Variants in LURAP1L observed in about 807,000 individuals in gnomAD.
LURAP1L encodes leucine rich adaptor protein 1-like.
A neutral mutation model predicts 13.8 loss-of-function variants in LURAP1L; 12 were observed. The ratio of observed to expected loss-of-function variants is 0.87; its 90% CI spans 0.56 to 1.41. The LOEUF (loss-of-function observed/expected upper bound fraction) is 1.41. Among genes scored for constraint, LURAP1L ranks in the 40% most tolerant of loss-of-function variants. The pLI is 0.00. For synonymous variants in LURAP1L, 139 were observed against 119.2 expected (o/e 1.17, Z -1.08); for missense variants, 375 against 292.9 (o/e 1.28, Z -2.04).
At chr9:12,784,381 G>C (rs1266541543) in intron 1 of LURAP1L, among the ~76,000 whole-genome samples, 1 of 152,166 alleles carries the variant, frequency 6.6e-6, no homozygotes, top group African/African-American at 2.4e-5. Flanking sequence ...TGAGTGTTCA[G>C]ATCTAAGTAT....
chr9:12,791,662 C>G (rs545437825), intron 1 of LURAP1L, among the ~76,000 whole-genome samples: 2 of 150,612 alleles, frequency 1.3e-5, no homozygotes, highest in South Asian at 2.1e-4. Context: ...CTCTCCTTCT[C>G]TCTCTCTCCT....
rs541232940 is a variant in LURAP1L, at chr9:12,805,041, A to G, written c.313-16345A>G. 2.1e-4 allele frequency among the ~76,000 whole-genome samples: 32 copies of G among 152,316 alleles called. No individual in the cohort carries two copies. The East Asian group carries it at 2.7e-3, about 13-fold the overall frequency. On this transcript the variant is annotated intron_variant, in intron 1 of 1. Transcript: ENST00000319264. Reference sequence around the variant, plus strand: ...AAAGAAATATAAATTAAAAAAATTAAGTTAAATGATGTTTATTTTTCGTAA... The same window carrying G: ...AAAGAAATATAAATTAAAAAAATTAGGTTAAATGATGTTTATTTTTCGTAA...
chr9:12,821,932 G>C lies in LURAP1L; in HGVS notation c.*172G>C. The stretch of plus-strand genomic sequence containing the variant: ...GCTCCTAATACTTCTCATCTGAGCT[G>C]ATTTATTTTTCTCTGTTACATCTCT... On this transcript the variant is annotated 3_prime_UTR_variant, in exon 2 of 2. Transcript: ENST00000319264. 1 of 644,226 alleles carries C rather than the reference G, an allele frequency of 1.6e-6. No homozygotes were observed. The highest frequency in any genetic ancestry group is 3.0e-5 in the South Asian group (1 of 33,060). The allele number at this position is 644,226 out of a possible 1,614,324, so 39.9% of individuals were successfully genotyped here.
rs549624221 is a variant in LURAP1L at position 12,821,459 on chromosome 9, A to C, written c.386A>C (p.Lys129Thr). ...ATCAATGAGAGCATCGAGTCCATCA[A>C]GTGGATGATCGAAGAAAAAGCCACC... The part of the protein sequence containing the change: ...LVINESIESI[K>T]WMIEEKATIT... The change falls in exon 2 of 2, where the codon AAG becomes ACG. Residue 129 changes from lysine to threonine, a missense_variant. By Grantham distance (78) the Lys-to-Thr change is moderately conservative. Coordinates refer to ENST00000319264, the MANE Select transcript of LURAP1L (RefSeq NM_203403.2). 6.2e-7 allele frequency: 1 copy of C among 1,614,106 alleles called. No individual in the cohort carries two copies. The highest frequency in any genetic ancestry group is 1.1e-5 in the South Asian group (1 of 91,082).
Position 12,775,629 on chromosome 9 carries a change from G to A in LURAP1L, c.-87G>A. On this transcript the variant is annotated 5_prime_UTR_variant, in exon 1 of 2. Coordinates refer to ENST00000319264, the MANE Select transcript of LURAP1L (RefSeq NM_203403.2). ...GATAGAGACCCTGGCCCCCGGAGAG[G>A]TCTGCTGATTTCGCAGCAGCCTTCG... 1 of 1,496,072 alleles carries A rather than the reference G, an allele frequency of 6.7e-7. No homozygotes were observed. The highest frequency in any genetic ancestry group is 8.9e-7 in the Non-Finnish European group (1 of 1,126,306). The allele number at this position is 1,496,072 out of a possible 1,614,324, so 92.7% of individuals were successfully genotyped here.
At chr9:12,804,274 G>C (rs756760245) in intron 1 of LURAP1L, among the ~76,000 whole-genome samples, 1 of 151,378 alleles carries the variant, frequency 6.6e-6, no homozygotes, top group African/African-American at 2.4e-5. Context: ...AGTCTATACC[G>C]TATTGGCCCC....
chr9:12,812,103 TC>T (rs1313450118), intron 1 of LURAP1L, among the ~76,000 whole-genome samples: 1 of 152,192 alleles, frequency 6.6e-6, no homozygotes, highest in African/African-American at 2.4e-5. Context: ...GAAGCCACAA[TC>T]TTTTTGTAAC....
chr9:12,822,828 A>G lies in LURAP1L; in HGVS notation c.*1068A>G, dbSNP rs181311342. Among the ~76,000 whole-genome samples, 94 of 152,290 alleles carry G rather than the reference A, an allele frequency of 6.2e-4. No individual in the cohort carries two copies. The highest frequency in any genetic ancestry group is 2.2e-3 in the African/African-American group (91 of 41,574). Reference sequence around the variant, plus strand: ...AATCCTCTGCATTTCTTTTATCTTGATAACTCCTAGTGAGGGAATCTAATT... The same window carrying G: ...AATCCTCTGCATTTCTTTTATCTTGGTAACTCCTAGTGAGGGAATCTAATT... On this transcript the variant is annotated 3_prime_UTR_variant, in exon 2 of 2. Coordinates refer to ENST00000319264, the MANE Select transcript of LURAP1L (RefSeq NM_203403.2).
Position 12,818,885 on chromosome 9 carries a change from C to A in LURAP1L, c.313-2501C>A, listed in dbSNP as rs550822617. On this transcript the variant is annotated intron_variant, in intron 1 of 1. Coordinates refer to ENST00000319264, the MANE Select transcript of LURAP1L (RefSeq NM_203403.2). ...CTTATAAGGGGCCAGCATGTTTTAT[C>A]AGCTACAGATGCCTGCTGAATGATT... Among the ~76,000 whole-genome samples the A allele has an allele frequency of 2.0e-5, 3 of 152,288 alleles. No homozygotes were observed. In the South Asian group the frequency reaches 6.2e-4, roughly 32 times the overall value.
intron 1 of LURAP1L, among the ~76,000 whole-genome samples, chr9:12,797,447 G>A (rs1819524821): frequency 6.6e-6 from 1 of 152,102 alleles, no homozygotes; most frequent in Non-Finnish European, 1.5e-5. Context: ...TGAATCAGAT[G>A]ATAGACACTG....
chr9:12,781,666 G>C (rs562315806), intron 1 of LURAP1L, among the ~76,000 whole-genome samples: 1 of 152,136 alleles, frequency 6.6e-6, no homozygotes, highest in South Asian at 2.1e-4. Flanking sequence ...TCTCTTGATG[G>C]ACACAGGTTG....
chr9:12,813,563 C>G (rs139584401), intron 1 of LURAP1L, among the ~76,000 whole-genome samples: 49 of 152,124 alleles, frequency 3.2e-4, no homozygotes, highest in African/African-American at 1.1e-3. Flanking sequence ...TATTGGTTGT[C>G]TAGACTTAAG....
intron 1 of LURAP1L, among the ~76,000 whole-genome samples, chr9:12,797,970 C>T (rs1245255770): frequency 6.6e-6 from 1 of 151,824 alleles, no homozygotes; most frequent in Admixed American, 6.6e-5. Flanking sequence ...TGAAATTTTC[C>T]CTAAAAATGA....
At position 12,811,852 on chromosome 9, in the gene LURAP1L, G is replaced by T. The variant is rs769402137; in HGVS notation, c.313-9534G>T. Reference sequence around the variant, plus strand: ...ATCAAGTGAAGGCCCCTGGATCGGGGTCTCTCACAAATCTGCCATCAAGGT... The same window carrying T: ...ATCAAGTGAAGGCCCCTGGATCGGGTTCTCTCACAAATCTGCCATCAAGGT... On this transcript the variant is annotated intron_variant, in intron 1 of 1. Coordinates refer to ENST00000319264, the MANE Select transcript of LURAP1L (RefSeq NM_203403.2). Among the ~76,000 whole-genome samples the T allele has an allele frequency of 3.9e-5, 6 of 152,280 alleles. No individual in the cohort carries two copies. The South Asian group carries it at 1.2e-3, about 32-fold the overall frequency.
chr9:12,787,759 C>T (rs890578607), intron 1 of LURAP1L, among the ~76,000 whole-genome samples: 3 of 152,054 alleles, frequency 2.0e-5, no homozygotes, highest in Non-Finnish European at 2.9e-5. Context: ...TACTTCACCG[C>T]GTGTGCCTGA....
At chr9:12,799,655 T>C (rs576629035) in intron 1 of LURAP1L, among the ~76,000 whole-genome samples, 2 of 152,098 alleles carry the variant, frequency 1.3e-5, no homozygotes, top group African/African-American at 4.8e-5. Flanking sequence ...CCGAGGTGGA[T>C]GGATCACGAG....
chr9:12,801,051 C>T (rs939607701), intron 1 of LURAP1L, among the ~76,000 whole-genome samples: 2 of 151,962 alleles, frequency 1.3e-5, no homozygotes, highest in Non-Finnish European at 2.9e-5. Context: ...ATTATGATAC[C>T]TAGGTATAAA....
chr9:12,784,210 T>C (rs1007787764), intron 1 of LURAP1L, among the ~76,000 whole-genome samples: 5 of 152,170 alleles, frequency 3.3e-5, no homozygotes, highest in African/African-American at 1.2e-4. Context: ...CTTATTTAGT[T>C]CATTTGGTGA....
intron 1 of LURAP1L, among the ~76,000 whole-genome samples, chr9:12,803,305 T>G (rs1819612477): frequency 6.6e-6 from 1 of 152,234 alleles, no homozygotes; most frequent in Non-Finnish European, 1.5e-5. Flanking sequence ...AAAGGAATTT[T>G]GAAGATGATC....
Sources: gnomAD v4.1 joint callset for allele counts (sites outside exome capture counted in the v4.1 genomes callset) on GRCh38, gnomAD v4.1.1 for gene constraint, MANE v1.5 for transcripts, NCBI Gene and HGNC (gene_info 2026-07-23, HGNC 2026-07-21) for gene names.